The following PHKB variants were observed in gnomAD, a reference collection of about 807,000 sequenced individuals.
PHKB encodes the protein phosphorylase b kinase regulatory subunit beta.
PHKB carries 122 observed loss-of-function variants against 152.1 expected under a neutral mutation model. That is an observed-to-expected ratio of 0.80 (90% CI 0.69 to 0.93). The LOEUF is 0.93. Among genes scored for constraint, PHKB ranks in the 40% least tolerant of loss-of-function variants. The pLI, the probability that PHKB is intolerant of heterozygous loss-of-function variation, is 0.00. For synonymous variants in PHKB, 436 were observed against 464.9 expected, an observed-to-expected ratio of 0.94 and a Z score of 0.80; for missense variants, 1,304 against 1,328.4, an observed-to-expected ratio of 0.98 and a Z score of 0.29.
chr16:47,639,281 GAAACAAAC>G (rs373812642), intron 14 of PHKB, among the ~76,000 whole-genome samples: 3 of 152,188 alleles, frequency 2.0e-5, no homozygotes, highest in South Asian at 2.1e-4. Flanking sequence ...AAACCTGTCT[GAAACAAAC>G]AAACAAACAA....
In PHKB at chr16:47,689,083, C is replaced by A; in HGVS notation, c.2673C>A (p.Gly891=). ...HAMEYELQIR[G]GDKPALDLYQ... is the part of the protein sequence containing the mutation. Reference sequence around the variant, plus strand: ...TGGAGTATGAACTTCAGATCCGTGGCGGAGACAAGCCAGCCTTGGACTTGT... The same window carrying A: ...TGGAGTATGAACTTCAGATCCGTGGAGGAGACAAGCCAGCCTTGGACTTGT... The change falls in exon 27 of 31, where the codon GGC becomes GGA. Residue 891 remains glycine (G), a synonymous_variant. Transcript: ENST00000323584. 2 of 1,613,936 alleles carry A rather than the reference C, an allele frequency of 1.2e-6. No individual in the cohort carries two copies. The highest frequency in any genetic ancestry group is 1.1e-5 in the South Asian group (1 of 91,072).
At chr16:47,695,883 G>A (rs958803434) in intron 28 of PHKB, among the ~76,000 whole-genome samples, 13 of 152,142 alleles carry the variant, frequency 8.5e-5, no homozygotes, top group South Asian at 2.1e-4. Context: ...TTCTTTTAGC[G>A]TCGCTTTTTT....
rs1001870814 is a variant in PHKB at position 47,683,204 on chromosome 16, G to A, written c.2631-5837G>A. On this transcript the variant is annotated intron_variant, in intron 26 of 30. Coordinates refer to ENST00000323584, the MANE Select transcript of PHKB (RefSeq NM_000293.3). ...GGGGTGCCTCCCAGTTAGGCTGCTC[G>A]GGGGTCAAGGACCTACTTGAGGAGG... 5.3e-5 allele frequency among the ~76,000 whole-genome samples: 8 copies of A among 152,292 alleles called. No homozygotes were observed. In the South Asian group the frequency reaches 6.2e-4, roughly 12 times the overall value.
intron 13 of PHKB, among the ~76,000 whole-genome samples, chr16:47,608,367 A>G (rs1972365922): frequency 6.6e-6 from 1 of 152,202 alleles, no homozygotes; most frequent in African/African-American, 2.4e-5. Flanking sequence ...TGTGAGGAAA[A>G]GGTCCAGCTT....
chr16:47,561,835 C>G (rs1971480754), intron 7 of PHKB: 1 of 152,164 alleles, frequency 6.6e-6, no homozygotes, highest in African/African-American at 2.4e-5. Flanking sequence ...CTCAAATTGT[C>G]CAAGTTCACT....
intron 24 of PHKB, 198 bp downstream of exon 24, chr16:47,663,932 A>C (rs1973490485): frequency 1.6e-6 from 1 of 620,974 alleles, no homozygotes; most frequent in Non-Finnish European, 2.9e-6. Flanking sequence ...CTGAGAACAA[A>C]GACACTGTAG....
intron 6 of PHKB, among the ~76,000 whole-genome samples, chr16:47,546,169 A>C (rs1971160605): frequency 6.6e-6 from 1 of 151,640 alleles, no homozygotes; most frequent in African/African-American, 2.4e-5. Context: ...GAGAAGGGTC[A>C]CTCCTGTTTT....
intron 27 of PHKB, among the ~76,000 whole-genome samples, chr16:47,692,755 A>G (rs1233516076): frequency 6.6e-6 from 1 of 152,212 alleles, no homozygotes; most frequent in Non-Finnish European, 1.5e-5. Context: ...ATGAAAATAA[A>G]AGATCTAAAA....
intron 14 of PHKB, among the ~76,000 whole-genome samples, chr16:47,632,212 G>A (rs1972840525): frequency 6.6e-6 from 1 of 152,102 alleles, no homozygotes; most frequent in Non-Finnish European, 1.5e-5. Flanking sequence ...TTTAGTTTGA[G>A]TGCTTAGTCT....
intron 8 of PHKB, among the ~76,000 whole-genome samples, chr16:47,586,063 A>C (rs1355935731): frequency 6.6e-6 from 1 of 152,074 alleles, no homozygotes; most frequent in Non-Finnish European, 1.5e-5. Flanking sequence ...CTCCCATTTC[A>C]CCAAAATTCA....
At chr16:47,542,213 T>G (rs1971072596) in intron 6 of PHKB, among the ~76,000 whole-genome samples, 1 of 152,232 alleles carries the variant, frequency 6.6e-6, no homozygotes, top group Admixed American at 6.5e-5. Flanking sequence ...GTTTCAGCTT[T>G]CTGCGTATGG....
rs534990987 is a variant in PHKB, at chr16:47,653,533, G to A, written c.1971+2612G>A. Among the ~76,000 whole-genome samples, 20 of 152,194 alleles carry A rather than the reference G, an allele frequency of 1.3e-4. No homozygotes were observed. The South Asian group carries it at 2.9e-3, about 22-fold the overall frequency. ...TCCTAATGGATTTATACCTTAGTGG[G>A]TTTATACCTTAAACATTTTTTTCCA... On this transcript the variant is annotated intron_variant, in intron 20 of 30. Coordinates refer to ENST00000323584, the MANE Select transcript of PHKB (RefSeq NM_000293.3).
chr16:47,683,830 A>C (rs1252769189), intron 26 of PHKB, among the ~76,000 whole-genome samples: 3 of 152,226 alleles, frequency 2.0e-5, no homozygotes, highest in Non-Finnish European at 4.4e-5. Context: ...ATGGAAATGC[A>C]GAAATCACCC....
At chr16:47,597,020 ATCT>A (rs1233571077) in intron 13 of PHKB, among the ~76,000 whole-genome samples, 1 of 152,102 alleles carries the variant, frequency 6.6e-6, no homozygotes, top group Non-Finnish European at 1.5e-5. Context: ...ATTATTTTTC[ATCT>A]TCTCCTACAA....
intron 1 of PHKB, among the ~76,000 whole-genome samples, chr16:47,478,389 T>G (rs1158867559): frequency 6.6e-6 from 1 of 152,072 alleles, no homozygotes; most frequent in Non-Finnish European, 1.5e-5. Flanking sequence ...CCCCTTCATA[T>G]TTTGGGGAAA....
chr16:47,599,050 TC>T (rs1157862118), intron 13 of PHKB: 14 of 634,674 alleles, frequency 2.2e-5, no homozygotes, highest in Non-Finnish European at 3.6e-5. Context: ...TTTCTTAGAA[TC>T]AACCCAAGTT....
Position 47,693,364 on chromosome 16 carries a change from G to T in PHKB, c.2766-14G>T, listed in dbSNP as rs375250621. ...CTTGTTCTTCAACTCTGAGACATTT[G>T]CCTTTTGTTACAGATGTTGGCTGAA... On this transcript the variant is annotated splice_polypyrimidine_tract_variant and intron_variant, in intron 27 of 30. Coordinates refer to ENST00000323584, the MANE Select transcript of PHKB (RefSeq NM_000293.3). 238 of 1,613,642 alleles carry T rather than the reference G, an allele frequency of 1.5e-4. 1 individual carries two copies. The Admixed American group carries it at 3.6e-3, about 25-fold the overall frequency.
At chr16:47,683,978 T>C (rs957735835) in intron 26 of PHKB, among the ~76,000 whole-genome samples, 1 of 151,718 alleles carries the variant, frequency 6.6e-6, no homozygotes, top group Admixed American at 6.6e-5. Flanking sequence ...AATGATTATT[T>C]AAAAAAAATT....
chr16:47,500,366 A>C (rs1322947269), intron 3 of PHKB, among the ~76,000 whole-genome samples: 1 of 152,140 alleles, frequency 6.6e-6, no homozygotes, highest in Admixed American at 6.5e-5. Context: ...AGCTTATATC[A>C]GACCAGTTCT....
Sources: allele counts gnomAD v4.1 joint callset (sites outside exome capture counted in the v4.1 genomes callset), GRCh38; gene constraint gnomAD v4.1.1; transcripts MANE v1.5; gene names NCBI Gene and HGNC (gene_info 2026-07-23, HGNC 2026-07-21).